The following PPP1R12A variants were observed in gnomAD, a reference collection of about 807,000 sequenced individuals.
PPP1R12A encodes protein phosphatase 1 regulatory subunit 12A, also known as myosin binding subunit.
Under a neutral mutation model 139.6 loss-of-function variants are expected in PPP1R12A, and 19 were observed. The ratio of observed to expected loss-of-function variants is 0.14; its 90% confidence interval spans 0.09 to 0.20. PPP1R12A has a LOEUF of 0.20. PPP1R12A is among the 10% of genes least tolerant of loss of function. The pLI is 1.00. For missense variants in PPP1R12A, 925 were observed against 1,211.5 expected (o/e 0.76, Z 3.51); for synonymous variants, 427 against 420.6 (o/e 1.02, Z -0.19).
intron 1 of PPP1R12A, among the ~76,000 whole-genome samples, chr12:79,934,244 C>T (rs1888491062): frequency 6.6e-6 from 1 of 152,160 alleles, no homozygotes; most frequent in Non-Finnish European, 1.5e-5. Flanking sequence ...AATCCAATGC[C>T]CACCTACAAG....
intron 1 of PPP1R12A, 139 bp from the exon 2 acceptor site, chr12:79,873,077 A>G (rs1056326717): frequency 2.0e-6 from 2 of 977,670 alleles, no homozygotes; most frequent in South Asian, 1.8e-5. Flanking sequence ...TATCTTGACT[A>G]TACTCCATCA....
rs749185031 is a variant in PPP1R12A, at chr12:79,832,341, T to A, written c.638A>T (p.Glu213Val). The change falls in exon 4 of 25, where the codon GAA (glutamate) becomes GTA (valine). Residue 213 changes from glutamate (E) to valine (V), a missense_variant. Coordinates refer to ENST00000450142, the MANE Select transcript of PPP1R12A (RefSeq NM_002480.3). ...AAAAAACAATACTTACTTTAAAACT[T>A]CCGTATAGCCTTTAGCAGCTGCAAC... ...LHVAAAKGYT[E>V]VLKLLIQAGY... 6.2e-7 allele frequency: 1 copy of A among 1,602,292 alleles called. No individual in the cohort carries two copies. The highest frequency in any genetic ancestry group is 1.8e-5 in the Admixed American group (1 of 56,814).
At chr12:79,926,709 C>T (rs1442671826) in intron 1 of PPP1R12A, among the ~76,000 whole-genome samples, 1 of 148,608 alleles carries the variant, frequency 6.7e-6, no homozygotes, top group Non-Finnish European at 1.5e-5. Context: ...TGTGTACCTA[C>T]TAAAACAAAA....
intron 2 of PPP1R12A, among the ~76,000 whole-genome samples, chr12:79,868,816 A>G (rs1162415856): frequency 6.6e-6 from 1 of 151,316 alleles, no homozygotes; most frequent in African/African-American, 2.5e-5. Flanking sequence ...TATTCTGCCC[A>G]TAATACTGAT....
chr12:79,779,079 A>G lies in PPP1R12A; in HGVS notation c.2956-479T>C, dbSNP rs116465206. On this transcript the variant is annotated intron_variant, in intron 23 of 24. Coordinates refer to ENST00000450142, the MANE Select transcript of PPP1R12A (RefSeq NM_002480.3). The stretch of plus-strand genomic sequence containing the variant: ...AATGTGTACTAGCCATTATTTATCC[A>G]ACTGACTTTATAGCTTTGTATTTAG... The G allele has an allele frequency of 3.8e-3, 1,215 of 319,440 alleles. 19 individuals are homozygous for G. The highest frequency in any genetic ancestry group is 0.025 in the African/African-American group (1,152 of 46,574). The allele number at this position is 319,440 out of a possible 1,614,324, so 19.8% of individuals were successfully genotyped here.
At chr12:79,842,537 C>A (rs776216415) in intron 3 of PPP1R12A, among the ~76,000 whole-genome samples, 22 of 151,702 alleles carry the variant, frequency 1.5e-4, no homozygotes, top group Non-Finnish European at 2.9e-5. Context: ...TGTTTGATCA[C>A]TGCCTAATGG....
chr12:79,922,896 T>C (rs1887551094), intron 1 of PPP1R12A, among the ~76,000 whole-genome samples: 1 of 152,178 alleles, frequency 6.6e-6, no homozygotes, highest in South Asian at 2.1e-4. Context: ...TTAAATGGCA[T>C]GTTATTTTGA....
intron 2 of PPP1R12A, among the ~76,000 whole-genome samples, chr12:79,860,786 C>G (rs1469708648): frequency 6.6e-6 from 1 of 151,866 alleles, no homozygotes; most frequent in East Asian, 1.9e-4. Flanking sequence ...GTTGAATATA[C>G]TAAGGACAAA....
intron 9 of PPP1R12A, among the ~76,000 whole-genome samples, chr12:79,810,303 A>C (rs888080430): frequency 3.3e-5 from 5 of 152,216 alleles, no homozygotes; most frequent in Non-Finnish European, 7.3e-5. Context: ...GCACACCATA[A>C]GGACTTAAAA....
At chr12:79,846,591 G>T (rs915070125) in intron 2 of PPP1R12A, among the ~76,000 whole-genome samples, 1 of 150,712 alleles carries the variant, frequency 6.6e-6, no homozygotes, top group Non-Finnish European at 1.5e-5. Context: ...CACTGCGCGT[G>T]GCTCATTTTT....
chr12:79,793,546 TC>T (rs1278981931), intron 19 of PPP1R12A, among the ~76,000 whole-genome samples: 1 of 152,190 alleles, frequency 6.6e-6, no homozygotes, highest in East Asian at 1.9e-4. Context: ...TTCTTTTAAC[TC>T]CGAAGGTTAA....
chr12:79,788,525 G>T, intron 21 of PPP1R12A, 123 bp downstream of exon 21: 1 of 988,358 alleles, frequency 1.0e-6, no homozygotes, highest in Non-Finnish European at 1.4e-6. Flanking sequence ...ATCACTTGCC[G>T]AAAACTGAAA....
intron 18 of PPP1R12A, among the ~76,000 whole-genome samples, chr12:79,794,156 T>C (rs1165485241): frequency 6.6e-6 from 1 of 152,036 alleles, no homozygotes; most frequent in Non-Finnish European, 1.5e-5. Context: ...TATACTATTA[T>C]GTTACTTCTA....
chr12:79,918,041 C>T (rs1400787364), intron 1 of PPP1R12A, among the ~76,000 whole-genome samples: 2 of 152,086 alleles, frequency 1.3e-5, no homozygotes, highest in African/African-American at 2.4e-5. Context: ...CTGCCACATA[C>T]ATAATATCAT....
intron 1 of PPP1R12A, among the ~76,000 whole-genome samples, chr12:79,900,408 T>C (rs143260466): frequency 2.0e-3 from 299 of 152,284 alleles, no homozygotes; most frequent in African/African-American, 6.9e-3. Context: ...TGTGAATTCA[T>C]TGATGGATTC....
intron 9 of PPP1R12A, among the ~76,000 whole-genome samples, chr12:79,812,109 C>T (rs374530729): frequency 2.0e-5 from 3 of 152,126 alleles, no homozygotes; most frequent in Non-Finnish European, 4.4e-5. Flanking sequence ...TTGAGAAAAA[C>T]GAGGCAGTAC....
chr12:79,905,117 C>T (rs894862421), intron 1 of PPP1R12A, among the ~76,000 whole-genome samples: 13 of 152,080 alleles, frequency 8.5e-5, no homozygotes, highest in Admixed American at 8.5e-4. Flanking sequence ...TCATGTTTTA[C>T]TATAGCTATT....
intron 3 of PPP1R12A, among the ~76,000 whole-genome samples, chr12:79,836,020 C>A (rs951315236): frequency 3.9e-5 from 6 of 152,138 alleles, no homozygotes; most frequent in African/African-American, 1.4e-4. Flanking sequence ...TCCAAGATTA[C>A]ACATGTATAG....
intron 9 of PPP1R12A, among the ~76,000 whole-genome samples, chr12:79,814,628 C>G (rs1338792345): frequency 1.3e-5 from 2 of 149,426 alleles, no homozygotes; most frequent in Non-Finnish European, 3.0e-5. Flanking sequence ...CCAACCCAGC[C>G]AACATGATGA....
Sources: allele counts gnomAD v4.1 joint callset (sites outside exome capture counted in the v4.1 genomes callset), GRCh38; gene constraint gnomAD v4.1.1; transcripts MANE v1.5; gene names NCBI Gene and HGNC (gene_info 2026-07-23, HGNC 2026-07-21).